The following NOL4L variants were observed in gnomAD, a reference collection of about 807,000 sequenced individuals.
The protein encoded by NOL4L is nucleolar protein 4 like.
A neutral mutation model predicts 64.5 loss-of-function variants in NOL4L; 7 were observed. The observed-to-expected ratio is 0.11, with a 90% CI of 0.06 to 0.20. The LOEUF (loss-of-function observed/expected upper bound fraction) is 0.20, where lower values mean the gene tolerates loss of function less well. Among genes scored for constraint, NOL4L ranks in the 10% least tolerant of loss-of-function variants. The probability of loss-of-function intolerance (pLI) is 1.00; values close to 1 mark genes in which losing one functional copy is unlikely to be tolerated. For missense variants in NOL4L, 680 were observed against 967.1 expected (o/e 0.70, Z 3.94); for synonymous variants, 413 against 401.0 (o/e 1.03, Z -0.36).
chr20:32,495,449 T>C (rs1300534839), intron 4 of NOL4L, among the ~76,000 whole-genome samples: 1 of 152,158 alleles, frequency 6.6e-6, no homozygotes, highest in Non-Finnish European at 1.5e-5. Flanking sequence ...GAGAGGCAGA[T>C]GGGCTGCTGG....
In NOL4L at chr20:32,445,423, C is replaced by A. The variant is rs2012286369; in HGVS notation, c.*2173G>T. 1 of 152,102 alleles carries A rather than the reference C, an allele frequency of 6.6e-6. No individual in the cohort carries two copies. Among genetic ancestry groups the A allele is most frequent in the Non-Finnish European group, 1.5e-5 (1 of 68,032 alleles). 9.4% of individuals were successfully genotyped at this position (152,102 alleles called of 1,614,324 possible). ...GAAGTGACACGTTAAGTAACTGATA[C>A]CAGGAATTCTAGGGTGGCGATTGTC... is the stretch of plus-strand genomic sequence containing the variant. On this transcript the variant is annotated 3_prime_UTR_variant, in exon 11 of 11. Coordinates refer to ENST00000621426, the MANE Select transcript of NOL4L (RefSeq NM_001256798.2).
chr20:32,538,462 GCTCCCTCCCTCCCTCCCTCC>G (rs145359787), intron 1 of NOL4L, among the ~76,000 whole-genome samples: 1,899 of 125,978 alleles, frequency 0.015, 33 homozygotes, highest in Non-Finnish European at 0.022. Flanking sequence ...TCCCTCCCTC[GCTCCCTCCCTCCCTCCCTCC>G]CTCCCTCCCT....
At chr20:32,558,111 A>C (rs529753746) in intron 1 of NOL4L, among the ~76,000 whole-genome samples, 3 of 152,348 alleles carry the variant, frequency 2.0e-5, no homozygotes, top group Admixed American at 6.5e-5. Context: ...ATTAAAAATA[A>C]TAAAATCTAG....
At chr20:32,483,288 C>G in intron 4 of NOL4L, 2 of 894,914 alleles carry the variant, frequency 2.2e-6, no homozygotes, top group Non-Finnish European at 2.7e-6. Context: ...CCGGCGGCAG[C>G]AGCCGGAGAA....
intron 1 of NOL4L, among the ~76,000 whole-genome samples, chr20:32,538,812 G>A (rs1288103833): frequency 1.3e-5 from 2 of 152,202 alleles, no homozygotes; most frequent in African/African-American, 4.8e-5. Flanking sequence ...CCGTCTAGCC[G>A]GCTGGCATTT....
At chr20:32,477,918 G>C (rs1287687973) in intron 4 of NOL4L, among the ~76,000 whole-genome samples, 1 of 152,226 alleles carries the variant, frequency 6.6e-6, no homozygotes, top group East Asian at 1.9e-4. Context: ...GTGCCCACAG[G>C]CACGGGACTT....
chr20:32,486,585 AC>A, intron 4 of NOL4L: 4 of 382,160 alleles, frequency 1.0e-5, no homozygotes, highest in South Asian at 8.3e-5. Context: ...CATTATTAGG[AC>A]AAATAGGATC....
intron 10 of NOL4L, among the ~76,000 whole-genome samples, chr20:32,451,148 G>T (rs968942759): frequency 1.3e-5 from 2 of 152,126 alleles, no homozygotes. Flanking sequence ...CTTGCACCAG[G>T]GTTCCCCAGC....
chr20:32,541,346 C>T (rs1343376183), intron 1 of NOL4L, among the ~76,000 whole-genome samples: 1 of 152,242 alleles, frequency 6.6e-6, no homozygotes, highest in Non-Finnish European at 1.5e-5. Context: ...CTCACTTCTA[C>T]ATTATTGCCT....
At position 32,552,111 on chromosome 20, in the gene NOL4L, A is replaced by C. The variant is rs568358162; in HGVS notation, c.322-24198T>G. On this transcript the variant is annotated intron_variant, in intron 1 of 10. Coordinates refer to ENST00000621426, the MANE Select transcript of NOL4L (RefSeq NM_001256798.2). ...GCCTGAATCATATTTTAAATGGGTG[A>C]ATTGTGTGGCATGTGAATTATATCT... Among the ~76,000 whole-genome samples the C allele has an allele frequency of 7.9e-5, 12 of 152,304 alleles. No homozygotes were observed. In the East Asian group the frequency reaches 2.1e-3, roughly 27 times the overall value.
intron 10 of NOL4L, among the ~76,000 whole-genome samples, chr20:32,451,367 A>C (rs1435680230): frequency 6.6e-6 from 1 of 152,134 alleles, no homozygotes; most frequent in African/African-American, 2.4e-5. Flanking sequence ...TGCACACAGA[A>C]CACAACCCGA....
rs923220430 is a variant in NOL4L at position 32,532,357 on chromosome 20, A to G, written c.322-4444T>C. ...GGTGAGCTAGGGCCACCTGGATTCC[A>G]TGTGTGCTACACCCTAGGGGAAGAA... On this transcript the variant is annotated intron_variant, in intron 1 of 10. Transcript: ENST00000621426. 7 of 985,326 alleles carry G rather than the reference A, an allele frequency of 7.1e-6. No individual in the cohort carries two copies. The African/African-American group carries it at 1.2e-4, about 17-fold the overall frequency. 61.0% of individuals were successfully genotyped at this position (985,326 alleles called of 1,614,324 possible). A position where few individuals can be genotyped will look rare whatever the true frequency, so the allele number is the denominator to read the frequency against.
At chr20:32,448,565 C>T (rs1209779842) in intron 10 of NOL4L, among the ~76,000 whole-genome samples, 1 of 152,172 alleles carries the variant, frequency 6.6e-6, no homozygotes, top group Non-Finnish European at 1.5e-5. Flanking sequence ...TCAAGCACCT[C>T]GAATCCCCCC....
intron 4 of NOL4L, among the ~76,000 whole-genome samples, chr20:32,497,543 T>A (rs2016742992): frequency 6.6e-6 from 1 of 152,048 alleles, no homozygotes; most frequent in African/African-American, 2.4e-5. Flanking sequence ...TAGTTCTGGG[T>A]GAAAGAGGCA....
At chr20:32,576,446 G>A (rs976667283) in intron 1 of NOL4L, among the ~76,000 whole-genome samples, 2 of 152,206 alleles carry the variant, frequency 1.3e-5, no homozygotes, top group African/African-American at 2.4e-5. Context: ...GCCGAGGAAG[G>A]GGAAGGCTGC....
intron 1 of NOL4L, chr20:32,536,351 G>T: frequency 1.0e-6 from 1 of 983,570 alleles, no homozygotes. Context: ...AGAGCCCCAG[G>T]TGCGGGCCCC....
chr20:32,554,915 A>G (rs1978554331), intron 1 of NOL4L, among the ~76,000 whole-genome samples: 1 of 152,216 alleles, frequency 6.6e-6, no homozygotes. Flanking sequence ...TCCCAGCCCC[A>G]AAAGGCTAAC....
intron 5 of NOL4L, among the ~76,000 whole-genome samples, chr20:32,462,408 G>T (rs913536665): frequency 6.6e-6 from 1 of 152,178 alleles, no homozygotes; most frequent in African/African-American, 2.4e-5. Context: ...CAGTCCTGAG[G>T]AGGCTGGTAC....
intron 3 of NOL4L, among the ~76,000 whole-genome samples, chr20:32,515,755 C>T (rs1001774995): frequency 5.9e-5 from 9 of 152,116 alleles, no homozygotes; most frequent in African/African-American, 9.7e-5. Flanking sequence ...CCTGATAGTG[C>T]GGCACCGCTG....
Sources: allele counts gnomAD v4.1 joint callset (sites outside exome capture counted in the v4.1 genomes callset), GRCh38; gene constraint gnomAD v4.1.1; transcripts MANE v1.5; gene names NCBI Gene and HGNC (gene_info 2026-07-23, HGNC 2026-07-21).